Variants in RASGRF2 observed in about 807,000 individuals in gnomAD.
RASGRF2 encodes the protein Ras protein specific guanine nucleotide releasing factor 2, also known as ras-specific guanine nucleotide-releasing factor 2.
A neutral mutation model predicts 151.0 loss-of-function variants in RASGRF2; 76 were observed. The observed-to-expected ratio is 0.50, with a 90% CI of 0.42 to 0.61. The LOEUF is 0.61. Ranked by LOEUF, RASGRF2 falls within the 20% of genes least tolerant of loss-of-function variation. The probability of loss-of-function intolerance (pLI) is 0.00; values close to 1 mark genes in which losing one functional copy is unlikely to be tolerated. For synonymous variants in RASGRF2, 504 were observed against 566.5 expected (o/e 0.89, Z 1.57); for missense variants, 1,148 against 1,564.6 (o/e 0.73, Z 4.49).
intron 2 of RASGRF2, among the ~76,000 whole-genome samples, chr5:81,052,574 A>G (rs1271847921): frequency 1.3e-5 from 2 of 152,206 alleles, no homozygotes; most frequent in Non-Finnish European, 2.9e-5. Flanking sequence ...GTCTGTCAGT[A>G]GAGAGAAGAC....
chr5:81,208,010 A>G (rs1327030864), intron 21 of RASGRF2, among the ~76,000 whole-genome samples: 1 of 152,242 alleles, frequency 6.6e-6, no homozygotes, highest in African/African-American at 2.4e-5. Context: ...TAATCCTGGG[A>G]AAATAGTCTT....
intron 12 of RASGRF2, among the ~76,000 whole-genome samples, chr5:81,097,933 G>A (rs1209643433): frequency 6.6e-6 from 1 of 152,212 alleles, no homozygotes; most frequent in South Asian, 2.1e-4. Context: ...CTTAGGTTTC[G>A]AAAGGATTGC....
intron 15 of RASGRF2, among the ~76,000 whole-genome samples, chr5:81,116,372 C>T (rs763230907): frequency 3.3e-5 from 5 of 152,056 alleles, no homozygotes; most frequent in Non-Finnish European, 7.4e-5. Context: ...CATGAGCCAC[C>T]ATACCCAGCC....
chr5:80,980,249 A>G (rs77045339), intron 1 of RASGRF2, among the ~76,000 whole-genome samples: 2,325 of 152,286 alleles, frequency 0.015, 71 homozygotes, highest in African/African-American at 0.053. Context: ...CTTTGCACCA[A>G]GAACATTGTG....
At chr5:81,102,714 A>G (rs1025286874) in intron 12 of RASGRF2, among the ~76,000 whole-genome samples, 1 of 151,358 alleles carries the variant, frequency 6.6e-6, no homozygotes, top group Non-Finnish European at 1.5e-5. Flanking sequence ...AAAAAAAAAG[A>G]ATGTGTCTGT....
In RASGRF2 at chr5:81,214,749, GC is replaced by G. The variant is rs1755697876; in HGVS notation, c.3355-1126del. ...ACCTGGATCCTCCATGCCCAGCCACGCTGCCTGGATGTGGGTATTCCCAGGA... is the reference window on the plus strand; with the variant it reads ...ACCTGGATCCTCCATGCCCAGCCACGTGCCTGGATGTGGGTATTCCCAGGA... On this transcript the variant is annotated intron_variant, in intron 23 of 26. Transcript: ENST00000265080. 2.0e-5 allele frequency among the ~76,000 whole-genome samples: 3 copies of G among 152,274 alleles called. No homozygotes were observed. In the South Asian group the frequency reaches 6.2e-4, roughly 32 times the overall value.
Position 81,087,015 on chromosome 5 carries a change from C to T in RASGRF2, c.1390+62C>T, listed in dbSNP as rs1165382696. On this transcript the variant is annotated intron_variant, in intron 9 of 26. Transcript: ENST00000265080. ...CTGTGCGGCTGTCACATGATCTCGG[C>T]ACACCCCGGAAGGCGTTCTGAACAG... 3 of 1,446,526 alleles carry T rather than the reference C, an allele frequency of 2.1e-6. No homozygotes were observed. In the African/African-American group the frequency reaches 4.2e-5, roughly 20 times the overall value. The allele number at this position is 1,446,526 out of a possible 1,614,324, so 89.6% of individuals were successfully genotyped here.
rs1751739038 is a variant in RASGRF2, at chr5:81,070,506, T to A, written c.558T>A (p.Asn186Lys). 6 of 1,605,590 alleles carry A rather than the reference T, an allele frequency of 3.7e-6. No homozygotes were observed. The highest frequency in any genetic ancestry group is 4.3e-6 in the Non-Finnish European group (5 of 1,172,354). ...ERLKSEIIAL[N>K]KTKERMRPYQ... ...TTGTGTTCCAGATTATTGCTCTTAA[T>A]AAAACCAAAGAACGAATGCGACCTT... The change falls in exon 4 of 27, where the codon AAT (asparagine) becomes AAA (lysine). Residue 186 changes from asparagine to lysine, a missense_variant. By Grantham distance (94) the Asn-to-Lys change is moderately conservative. Around this residue, in one of 5 missense-constraint regions of RASGRF2, gnomAD observed 221 missense variants for 271.3 expected, o/e 0.81. Transcript: ENST00000265080.
chr5:81,113,380 T>G (rs1580327609), intron 14 of RASGRF2, 158 bp from the exon 15 acceptor site: 8 of 830,540 alleles, frequency 9.6e-6, no homozygotes, highest in Admixed American at 2.9e-5. Flanking sequence ...CTTTGGCAGG[T>G]GGAGGGTATA....
At chr5:81,030,702 A>G (rs1057345211) in intron 1 of RASGRF2, among the ~76,000 whole-genome samples, 5 of 152,354 alleles carry the variant, frequency 3.3e-5, no homozygotes, top group African/African-American at 1.2e-4. Flanking sequence ...AAACAGGCCA[A>G]ATTGTAAAGA....
chr5:81,209,839 C>T (rs141120997), intron 22 of RASGRF2, among the ~76,000 whole-genome samples: 6 of 152,286 alleles, frequency 3.9e-5, no homozygotes, highest in African/African-American at 9.6e-5. Context: ...ACCCCAGAGC[C>T]GCCAAGCCTG....
At chr5:81,152,365 C>A (rs1561233478) in intron 17 of RASGRF2, among the ~76,000 whole-genome samples, 2 of 151,866 alleles carry the variant, frequency 1.3e-5, no homozygotes. Context: ...TGGACAATTA[C>A]TGCTAATAAT....
In RASGRF2 at chr5:80,960,567, G is replaced by T; in HGVS notation, c.-172G>T. On this transcript the variant is annotated 5_prime_UTR_variant, in exon 1 of 27. Coordinates refer to ENST00000265080, the MANE Select transcript of RASGRF2 (RefSeq NM_006909.3). This position sits in a 1 kb window ranked among gnomAD's most constrained non-coding sequence, Gnocchi z 5.5. ...CCCCAGCCCGCGCCCCTGCCACCGC[G>T]CGCCGCGGCCTCCCGAAAGCGGGCG... is the stretch of plus-strand genomic sequence containing the variant. 1 of 504,524 alleles carries T rather than the reference G, an allele frequency of 2.0e-6. No individual in the cohort carries two copies. The allele number at this position is 504,524 out of a possible 1,614,324, so 31.3% of individuals were successfully genotyped here. A position where few individuals can be genotyped will look rare whatever the true frequency, so the allele number is the denominator to read the frequency against.
Position 80,960,620 on chromosome 5 carries a change from G to A in RASGRF2, c.-119G>A. On this transcript the variant is annotated 5_prime_UTR_variant, in exon 1 of 27. Transcript: ENST00000265080. This position sits in a 1 kb window ranked among gnomAD's most constrained non-coding sequence, Gnocchi z 5.5. Reference sequence around the variant, plus strand: ...GTGCCCTGCGCGCGGCGTGGGGAAAGGGGGCGCCCTTCGCCGGCCGGGACC... The same window carrying A: ...GTGCCCTGCGCGCGGCGTGGGGAAAAGGGGCGCCCTTCGCCGGCCGGGACC... 2 of 1,010,356 alleles carry A rather than the reference G, an allele frequency of 2.0e-6. No homozygotes were observed. Among genetic ancestry groups the A allele is most frequent in the East Asian group, 3.3e-5 (1 of 30,370 alleles). The allele number at this position is 1,010,356 out of a possible 1,614,324, so 62.6% of individuals were successfully genotyped here.
At chr5:81,013,128 C>T (rs560660787) in intron 1 of RASGRF2, among the ~76,000 whole-genome samples, 1 of 152,318 alleles carries the variant, frequency 6.6e-6, no homozygotes, top group South Asian at 2.1e-4. Flanking sequence ...TTCATTTTAA[C>T]TCTAGCAGGC....
chr5:81,085,752 C>T, intron 7 of RASGRF2, 50 bp from the exon 8 acceptor site: 2 of 1,609,022 alleles, frequency 1.2e-6, no homozygotes, highest in Non-Finnish European at 1.7e-6. Flanking sequence ...AGCATGTGCC[C>T]TGTCACCCAT....
intron 26 of RASGRF2, among the ~76,000 whole-genome samples, chr5:81,225,462 T>G (rs908745852): frequency 1.5e-4 from 22 of 150,674 alleles, no homozygotes; most frequent in African/African-American, 5.1e-4. Flanking sequence ...GTAGTTCCTC[T>G]TGAGGGAGGT....
intron 18 of RASGRF2, among the ~76,000 whole-genome samples, chr5:81,188,616 A>G (rs1188508869): frequency 6.6e-6 from 1 of 152,196 alleles, no homozygotes; most frequent in Non-Finnish European, 1.5e-5. Flanking sequence ...TTAAAAAAAA[A>G]TACTGTATCA....
At chr5:81,061,786 A>C (rs958651731) in intron 2 of RASGRF2, among the ~76,000 whole-genome samples, 2 of 152,030 alleles carry the variant, frequency 1.3e-5, no homozygotes, top group Non-Finnish European at 2.9e-5. Flanking sequence ...TCCCGGGCTC[A>C]AGTTACCCTC....
Sources: allele counts gnomAD v4.1 joint callset (sites outside exome capture counted in the v4.1 genomes callset), GRCh38; gene constraint gnomAD v4.1.1; regional missense constraint gnomAD v4.1.1; non-coding constraint Gnocchi (gnomAD v3.1); transcripts MANE v1.5; gene names NCBI Gene and HGNC (gene_info 2026-07-23, HGNC 2026-07-21).